Variants in CLSTN2 observed in about 807,000 individuals in gnomAD.
CLSTN2 encodes the protein calsyntenin-2.
CLSTN2 carries 48 observed loss-of-function variants against 101.2 expected under a neutral mutation model. The observed-to-expected ratio is 0.47, with a 90% CI of 0.38 to 0.60. CLSTN2 has a LOEUF of 0.60. CLSTN2 is among the 20% of genes least tolerant of loss of function. CLSTN2 has a pLI of 0.00. For missense variants in CLSTN2, 1,160 were observed against 1,238.2 expected, an observed-to-expected ratio of 0.94 and a Z score of 0.95; for synonymous variants, 481 against 463.6, an observed-to-expected ratio of 1.04 and a Z score of -0.48.
At chr3:140,351,750 T>C (rs2087608949) in intron 2 of CLSTN2, among the ~76,000 whole-genome samples, 1 of 151,894 alleles carries the variant, frequency 6.6e-6, no homozygotes, top group East Asian at 1.9e-4. Context: ...CCTTAAAGGG[T>C]CATATAATCA....
chr3:140,541,541 A>G (rs1935477602), intron 9 of CLSTN2, among the ~76,000 whole-genome samples: 1 of 152,152 alleles, frequency 6.6e-6, no homozygotes, highest in South Asian at 2.1e-4. Flanking sequence ...CAGAACTGGC[A>G]GCTGTCGGGA....
intron 2 of CLSTN2, among the ~76,000 whole-genome samples, chr3:140,247,189 T>C (rs2086525737): frequency 6.6e-6 from 1 of 152,212 alleles, no homozygotes; most frequent in Non-Finnish European, 1.5e-5. Context: ...GTTCTATCTG[T>C]ACCATAGGGC....
chr3:140,353,428 C>G (rs946409612), intron 2 of CLSTN2, among the ~76,000 whole-genome samples: 2 of 152,090 alleles, frequency 1.3e-5, no homozygotes. Context: ...TACTGGGAGT[C>G]TAGGCCAGTC....
At chr3:140,405,543 A>G (rs2088293533) in intron 4 of CLSTN2, among the ~76,000 whole-genome samples, 1 of 130,738 alleles carries the variant, frequency 7.6e-6, no homozygotes, top group Admixed American at 8.2e-5. Flanking sequence ...AGGACTTTAT[A>G]AAGTTCTTGC....
At chr3:140,155,611 G>T (rs181422046) in intron 1 of CLSTN2, among the ~76,000 whole-genome samples, 2 of 152,198 alleles carry the variant, frequency 1.3e-5, no homozygotes, top group Non-Finnish European at 2.9e-5. Context: ...GTCTCCCAAA[G>T]CAAGTGACTG....
intron 1 of CLSTN2, among the ~76,000 whole-genome samples, chr3:140,049,488 C>A (rs1228513363): frequency 1.3e-5 from 2 of 152,124 alleles, no homozygotes; most frequent in Non-Finnish European, 2.9e-5. Flanking sequence ...TTACCCAGGC[C>A]ATCTTTATTT....
At chr3:139,956,077 G>A (rs1040622182) in intron 1 of CLSTN2, among the ~76,000 whole-genome samples, 17 of 152,240 alleles carry the variant, frequency 1.1e-4, no homozygotes, top group African/African-American at 4.1e-4. Context: ...CCCTTGTCAC[G>A]ACTCTGTGAG....
chr3:140,055,515 C>A (rs1426330405), intron 1 of CLSTN2, among the ~76,000 whole-genome samples: 1 of 152,184 alleles, frequency 6.6e-6, no homozygotes. Context: ...GGTTAACCAA[C>A]CTGCAGGTTA....
At chr3:140,466,571 G>C (rs1559878026) in intron 7 of CLSTN2, 39 bp from the exon 8 acceptor site, 1 of 1,613,416 alleles carries the variant, frequency 6.2e-7, no homozygotes, top group Admixed American at 1.7e-5. Context: ...GCTGACACAG[G>C]GGTTCTCTCA....
intron 8 of CLSTN2, among the ~76,000 whole-genome samples, chr3:140,524,013 A>G (rs1055044867): frequency 6.6e-6 from 1 of 152,230 alleles, no homozygotes; most frequent in African/African-American, 2.4e-5. Flanking sequence ...TATTGTAAGC[A>G]CAGATCAGGA....
chr3:140,307,920 C>T (rs2087130565), intron 2 of CLSTN2, among the ~76,000 whole-genome samples: 1 of 152,156 alleles, frequency 6.6e-6, no homozygotes, highest in South Asian at 2.1e-4. Flanking sequence ...ATGGTGAAGG[C>T]TCCCTCAGAA....
chr3:140,202,925 G>C (rs2010735931), intron 2 of CLSTN2, among the ~76,000 whole-genome samples: 1 of 152,134 alleles, frequency 6.6e-6, no homozygotes, highest in Non-Finnish European at 1.5e-5. Context: ...TCTGGACGGT[G>C]CAATGTGGGT....
intron 2 of CLSTN2, among the ~76,000 whole-genome samples, chr3:140,181,218 G>T (rs2010402941): frequency 6.6e-6 from 1 of 152,142 alleles, no homozygotes; most frequent in Non-Finnish European, 1.5e-5. Context: ...ACCCACTCCT[G>T]GTGTTAATAT....
At chr3:140,417,053 C>T (rs2088439873) in intron 4 of CLSTN2, among the ~76,000 whole-genome samples, 1 of 152,148 alleles carries the variant, frequency 6.6e-6, no homozygotes, top group Non-Finnish European at 1.5e-5. Flanking sequence ...CATAATCCTG[C>T]CAAAGTAACC....
At chr3:140,224,801 G>A (rs2086304385) in intron 2 of CLSTN2, among the ~76,000 whole-genome samples, 1 of 152,066 alleles carries the variant, frequency 6.6e-6, no homozygotes, top group Admixed American at 6.5e-5. Context: ...AAAAACTCTT[G>A]TTTGCTAATT....
chr3:140,403,339 G>A (rs2088264415), intron 2 of CLSTN2, among the ~76,000 whole-genome samples: 1 of 152,140 alleles, frequency 6.6e-6, no homozygotes, highest in Admixed American at 6.5e-5. Context: ...GATTAAACCA[G>A]GAGTAAAGGA....
chr3:140,265,319 G>T (rs2086686289), intron 2 of CLSTN2, among the ~76,000 whole-genome samples: 1 of 152,182 alleles, frequency 6.6e-6, no homozygotes, highest in East Asian at 1.9e-4. Context: ...GGCTGAGAAA[G>T]CCCGGAGGAG....
At chr3:140,316,531 C>A (rs2087233170) in intron 2 of CLSTN2, among the ~76,000 whole-genome samples, 1 of 151,994 alleles carries the variant, frequency 6.6e-6, no homozygotes, top group African/African-American at 2.4e-5. Flanking sequence ...TTCTTAATAC[C>A]TCTTGGTGTC....
chr3:140,312,227 A>T (rs1358585728), intron 2 of CLSTN2, among the ~76,000 whole-genome samples: 3 of 152,198 alleles, frequency 2.0e-5, no homozygotes, highest in Non-Finnish European at 2.9e-5. Flanking sequence ...GGTGAGCTTT[A>T]CTTTACCAGT....
Sources: allele counts gnomAD v4.1 joint callset (sites outside exome capture counted in the v4.1 genomes callset), GRCh38; gene constraint gnomAD v4.1.1; transcripts MANE v1.5; gene names NCBI Gene and HGNC (gene_info 2026-07-23, HGNC 2026-07-21).